ODAD2: variants seen among roughly 807,000 people sequenced by gnomAD.
ODAD2 encodes the protein outer dynein arm-docking complex subunit 2.
ODAD2 carries 89 observed loss-of-function variants against 106.8 expected under a neutral mutation model. That is an observed-to-expected ratio of 0.83 (90% CI 0.70 to 0.99). The LOEUF (loss-of-function observed/expected upper bound fraction) is 0.99. Ranked by LOEUF, ODAD2 falls within the 50% of genes least tolerant of loss-of-function variation. ODAD2 has a pLI of 0.00. For synonymous variants in ODAD2, 404 were observed against 436.2 expected, an observed-to-expected ratio of 0.93 and a Z score of 0.92; for missense variants, 1,168 against 1,238.5, an observed-to-expected ratio of 0.94 and a Z score of 0.85.
chr10:27,891,034 A>G (rs903085312), intron 17 of ODAD2, among the ~76,000 whole-genome samples: 5 of 152,152 alleles, frequency 3.3e-5, no homozygotes, highest in Non-Finnish European at 5.9e-5. Flanking sequence ...TGTTTATAGC[A>G]ATATTCCTAG....
rs146030021 is a variant in ODAD2 at position 27,955,311 on chromosome 10, T to C, written c.1386+6257A>G. ...CAAACATGAATACTGAGTTCCTTTATGGCAAGGGTTCCCTGTTGACTCTCA... is the reference window on the plus strand; with the variant it reads ...CAAACATGAATACTGAGTTCCTTTACGGCAAGGGTTCCCTGTTGACTCTCA... On this transcript the variant is annotated intron_variant, in intron 10 of 19. Coordinates refer to ENST00000305242, the MANE Select transcript of ODAD2 (RefSeq NM_018076.5). Among the ~76,000 whole-genome samples, 339 of 152,268 alleles carry C rather than the reference T, an allele frequency of 2.2e-3. 3 individuals are homozygous for C. Among genetic ancestry groups the C allele is most frequent in the African/African-American group, 7.7e-3 (318 of 41,562 alleles).
At chr10:27,893,144 G>A (rs1842664831) in intron 17 of ODAD2, among the ~76,000 whole-genome samples, 1 of 151,612 alleles carries the variant, frequency 6.6e-6, no homozygotes, top group Admixed American at 6.6e-5. Context: ...GGGCGACAGA[G>A]CCAGACTCCT....
At chr10:27,845,436 A>G (rs974680689) in intron 19 of ODAD2, among the ~76,000 whole-genome samples, 3 of 152,244 alleles carry the variant, frequency 2.0e-5, no homozygotes, top group Admixed American at 1.3e-4. Context: ...AAACATGGAA[A>G]GGAACAGCTG....
chr10:27,915,543 A>C (rs1844300692), intron 16 of ODAD2, among the ~76,000 whole-genome samples: 1 of 152,060 alleles, frequency 6.6e-6, no homozygotes, highest in Admixed American at 6.6e-5. Flanking sequence ...ATGGGGATTA[A>C]GTTTCAACAT....
chr10:27,984,006 A>G (rs746894085), intron 5 of ODAD2, 27 bp from the exon 6 acceptor site: 28 of 1,601,920 alleles, frequency 1.7e-5, no homozygotes, highest in Non-Finnish European at 2.4e-5. Flanking sequence ...AGCAATTAAC[A>G]GGAGTTCCTT....
intron 14 of ODAD2, among the ~76,000 whole-genome samples, chr10:27,937,567 A>C (rs528299194): frequency 8.5e-5 from 13 of 152,284 alleles, no homozygotes; most frequent in Admixed American, 3.3e-4. Context: ...ATAAATATTT[A>C]CTGCACAGAT....
chr10:27,882,167 T>TA (rs764639336), intron 17 of ODAD2, among the ~76,000 whole-genome samples: 61 of 69,016 alleles, frequency 8.8e-4, no homozygotes, highest in African/African-American at 3.1e-3. Flanking sequence ...GACCTTGTCA[T>TA]AAAAAAAAAG....
At chr10:27,832,175 C>G (rs1036947248) in intron 19 of ODAD2, among the ~76,000 whole-genome samples, 12 of 152,214 alleles carry the variant, frequency 7.9e-5, no homozygotes, top group African/African-American at 2.4e-4. Flanking sequence ...CTCCTCGGAA[C>G]CTTTCACTGA....
rs1841881694 is a variant in ODAD2 at position 27,883,474 on chromosome 10, T to A, written c.2611-20852A>T. ...ATTTAATTATTTAAAATATTGCTTT[T>A]AACAAAAAATGTGATACATACAACA... On this transcript the variant is annotated intron_variant, in intron 17 of 19. Coordinates refer to ENST00000305242, the MANE Select transcript of ODAD2 (RefSeq NM_018076.5). Among the ~76,000 whole-genome samples, 10 of 152,134 alleles carry A rather than the reference T, an allele frequency of 6.6e-5. No homozygotes were observed. In the South Asian group the frequency reaches 2.1e-3, roughly 31 times the overall value.
In ODAD2 at chr10:27,961,688, A is replaced by G. The variant is rs531062950; in HGVS notation, c.1266T>C (p.Thr422=). ...LRKSAEKIEE[T]VSDSSSESEE... The stretch of plus-strand genomic sequence containing the variant: ...CACTTTCTGAGGAGCTATCGCTAAC[A>G]GTTTCCTCAATCTTTTCAGCACTCT... The change falls in exon 10 of 20, where the codon ACT becomes ACC. Residue 422 remains threonine (T), a synonymous_variant. Coordinates refer to ENST00000305242, the MANE Select transcript of ODAD2 (RefSeq NM_018076.5). 4.5e-5 allele frequency: 73 copies of G among 1,606,636 alleles called. No homozygotes were observed. Among genetic ancestry groups the G allele is most frequent in the Admixed American group, 2.7e-4 (16 of 59,280 alleles).
intron 10 of ODAD2, among the ~76,000 whole-genome samples, chr10:27,950,369 T>G (rs772264092): frequency 1.3e-5 from 2 of 152,156 alleles, no homozygotes; most frequent in Non-Finnish European, 2.9e-5. Flanking sequence ...TTTCCTTCTG[T>G]TTATTTGCAA....
chr10:27,818,108 G>A (rs966133814), intron 19 of ODAD2, among the ~76,000 whole-genome samples: 5 of 151,222 alleles, frequency 3.3e-5, no homozygotes, highest in East Asian at 3.9e-4. Flanking sequence ...GAATGTGAGC[G>A]CTGCCAGCCT....
intron 9 of ODAD2, among the ~76,000 whole-genome samples, chr10:27,963,316 C>CTAAATAT (rs1848268666): frequency 1.3e-5 from 2 of 152,000 alleles, no homozygotes; most frequent in East Asian, 3.9e-4. Context: ...CTGTCCCAGG[C>CTAAATAT]ACTTTATATT....
chr10:27,918,884 A>T (rs941399799), intron 16 of ODAD2, among the ~76,000 whole-genome samples: 1 of 151,332 alleles, frequency 6.6e-6, no homozygotes, highest in African/African-American at 2.4e-5. Context: ...TATATTCAAA[A>T]ATTAATTATG....
At chr10:27,821,812 T>G (rs1836636412) in intron 19 of ODAD2, among the ~76,000 whole-genome samples, 1 of 152,206 alleles carries the variant, frequency 6.6e-6, no homozygotes, top group Admixed American at 6.5e-5. Context: ...AAGACATGTT[T>G]TAATATTCTA....
intron 14 of ODAD2, among the ~76,000 whole-genome samples, chr10:27,939,411 A>G (rs908572358): frequency 1.3e-5 from 2 of 152,154 alleles, no homozygotes; most frequent in African/African-American, 4.8e-5. Context: ...TGAAAATCCA[A>G]TGGAGTTCTT....
In ODAD2 at chr10:27,883,388, C is replaced by G. The variant is rs1042767249; in HGVS notation, c.2611-20766G>C. Among the ~76,000 whole-genome samples, 13 of 152,168 alleles carry G rather than the reference C, an allele frequency of 8.5e-5. No homozygotes were observed. The East Asian group carries it at 2.3e-3, about 27-fold the overall frequency. The stretch of plus-strand genomic sequence containing the variant: ...ACAAAATAAACAATAGCAAAAGCAA[C>G]AACAAACAGCAACAAATACAGGCCA... On this transcript the variant is annotated intron_variant, in intron 17 of 19. Transcript: ENST00000305242.
intron 17 of ODAD2, among the ~76,000 whole-genome samples, chr10:27,902,930 C>G (rs1161613942): frequency 6.6e-6 from 1 of 152,160 alleles, no homozygotes; most frequent in South Asian, 2.1e-4. Context: ...AAGAGGGACT[C>G]CTCCCTTACT....
In ODAD2 at chr10:27,981,839, C is replaced by G. The variant is rs58107550; in HGVS notation, c.820-257G>C. On this transcript the variant is annotated intron_variant, in intron 6 of 19. Transcript: ENST00000305242. ...GGCTTTACTGAGTACCTCCTATATG[C>G]ATGTAAGGCACTCTGCTGTTCAGCA... 0.095 allele frequency: 24,741 copies of G among 260,212 alleles called. 1,717 individuals carry two copies. The highest frequency in any genetic ancestry group is 0.27 in the East Asian group (2,705 of 10,010). The allele number at this position is 260,212 out of a possible 1,614,324, so 16.1% of individuals were successfully genotyped here.
Sources: allele counts gnomAD v4.1 joint callset (sites outside exome capture counted in the v4.1 genomes callset), GRCh38; gene constraint gnomAD v4.1.1; transcripts MANE v1.5; gene names NCBI Gene and HGNC (gene_info 2026-07-23, HGNC 2026-07-21).